The following CACNG3 variants were observed in gnomAD, a reference collection of about 807,000 sequenced individuals.
CACNG3 encodes calcium voltage-gated channel auxiliary subunit gamma 3.
A neutral mutation model predicts 28.5 loss-of-function variants in CACNG3; 3 were observed. The observed-to-expected ratio is 0.11, with a 90% CI of 0.05 to 0.27. CACNG3 has a LOEUF of 0.27. Among genes scored for constraint, CACNG3 ranks in the 10% least tolerant of loss-of-function variants. CACNG3 has a pLI of 1.00. For missense variants in CACNG3, 236 were observed against 414.4 expected (o/e 0.57, Z 3.74); for synonymous variants, 174 against 162.2 (o/e 1.07, Z -0.55).
intron 3 of CACNG3, among the ~76,000 whole-genome samples, chr16:24,358,670 T>C (rs1244837887): frequency 6.6e-6 from 1 of 152,192 alleles, no homozygotes; most frequent in Non-Finnish European, 1.5e-5. Flanking sequence ...GAAAAAGCAA[T>C]TGCCTACTCA....
rs1158530892 is a variant in CACNG3 at position 24,326,466 on chromosome 16, C to T, written c.212-20268C>T. Among the ~76,000 whole-genome samples, 4 of 152,194 alleles carry T rather than the reference C, an allele frequency of 2.6e-5. No homozygotes were observed. In the East Asian group the frequency reaches 5.8e-4, roughly 22 times the overall value. ...GATTACAGGCATGAGCCACCACACC[C>T]GGCCAAAATTTTTCTTTCTCAACAT... On this transcript the variant is annotated intron_variant, in intron 1 of 3. Transcript: ENST00000005284.
chr16:24,280,821 C>CAAAAAAAAAAAAAAAAAAAAAAAA (rs71154295), intron 1 of CACNG3, among the ~76,000 whole-genome samples: 1 of 55,626 alleles, frequency 1.8e-5, no homozygotes, highest in African/African-American at 7.3e-5. Flanking sequence ...GAGTTTGTCT[C>CAAAAAAAAAAAAAAAAAAAAAAAA]AAAAAAAAAA....
rs186537883 is a variant in CACNG3 at position 24,264,747 on chromosome 16, G to A, written c.211+7782G>A. On this transcript the variant is annotated intron_variant, in intron 1 of 3. Coordinates refer to ENST00000005284, the MANE Select transcript of CACNG3 (RefSeq NM_006539.4). Reference sequence around the variant, plus strand: ...ATTCAACATGCAATTTGAAATGTTAGACAAAACTGGAAGTTTTAACAACCA... The same window carrying A: ...ATTCAACATGCAATTTGAAATGTTAAACAAAACTGGAAGTTTTAACAACCA... 5.7e-3 allele frequency among the ~76,000 whole-genome samples: 872 copies of A among 152,290 alleles called. 11 individuals are homozygous for A. The highest frequency in any genetic ancestry group is 6.2e-3 in the Non-Finnish European group (425 of 68,034).
chr16:24,355,008 G>C (rs774003797), intron 3 of CACNG3, 35 bp downstream of exon 3: 2 of 1,597,238 alleles, frequency 1.3e-6, no homozygotes, highest in Non-Finnish European at 1.7e-6. Context: ...GATCTTCACA[G>C]ATACCAAACT....
rs566955521 is a variant in CACNG3, at chr16:24,344,862, G to A, written c.212-1872G>A. ...TAGCCATGGTAGCCATAATAATAAC[G>A]GCTACTATTCATAGTGTAATGGTGA... is the stretch of plus-strand genomic sequence containing the variant. On this transcript the variant is annotated intron_variant, in intron 1 of 3. Transcript: ENST00000005284. 7.9e-5 allele frequency among the ~76,000 whole-genome samples: 12 copies of A among 152,136 alleles called. No homozygotes were observed. The East Asian group carries it at 1.2e-3, about 15-fold the overall frequency.
intron 3 of CACNG3, among the ~76,000 whole-genome samples, chr16:24,355,584 A>G (rs899043218): frequency 5.9e-5 from 9 of 152,194 alleles, no homozygotes; most frequent in African/African-American, 2.2e-4. Flanking sequence ...TCTCATCTCT[A>G]AAAAATAAAT....
intron 1 of CACNG3, among the ~76,000 whole-genome samples, chr16:24,263,931 A>G (rs116730614): frequency 2.0e-5 from 3 of 152,356 alleles, no homozygotes; most frequent in African/African-American, 7.2e-5. Context: ...TCCAAGAAGA[A>G]TCATTCATAA....
intron 1 of CACNG3, among the ~76,000 whole-genome samples, chr16:24,282,345 G>A (rs1898840595): frequency 6.6e-6 from 1 of 151,980 alleles, no homozygotes; most frequent in African/African-American, 2.4e-5. Flanking sequence ...GTCACACTGG[G>A]CTTATTGCGG....
At chr16:24,324,060 C>A (rs1194183432) in intron 1 of CACNG3, among the ~76,000 whole-genome samples, 4 of 152,170 alleles carry the variant, frequency 2.6e-5, no homozygotes, top group Non-Finnish European at 5.9e-5. Context: ...AGACGTGAGA[C>A]AATGTACCCA....
intron 1 of CACNG3, among the ~76,000 whole-genome samples, chr16:24,284,301 A>T (rs1476234361): frequency 6.6e-6 from 1 of 152,214 alleles, no homozygotes; most frequent in Non-Finnish European, 1.5e-5. Flanking sequence ...TAGACTAAAT[A>T]GCATGGAAAT....
chr16:24,310,632 A>T (rs942120852), intron 1 of CACNG3, among the ~76,000 whole-genome samples: 3 of 152,144 alleles, frequency 2.0e-5, no homozygotes, highest in African/African-American at 7.2e-5. Context: ...ATCATTTAAC[A>T]TATATTACCT....
At position 24,312,943 on chromosome 16, in the gene CACNG3, GAA is replaced by G. The variant is rs879741064; in HGVS notation, c.212-33789_212-33788del. Among the ~76,000 whole-genome samples the G allele has an allele frequency of 9.5e-3, 930 of 97,854 alleles. 5 individuals are homozygous for G. Among genetic ancestry groups the G allele is most frequent in the Non-Finnish European group, 0.011 (507 of 44,822 alleles). 64.2% of individuals were successfully genotyped at this position (97,854 alleles called of 152,430 possible). A position where few individuals can be genotyped will look rare whatever the true frequency, so the allele number is the denominator to read the frequency against. ...AGGAAGAAAGAAAGAAAGAAAGAAA[GAA>G]AGAAAGAAAGAGAAAGAAAGAAAAG... On this transcript the variant is annotated intron_variant, in intron 1 of 3. Transcript: ENST00000005284.
intron 1 of CACNG3, among the ~76,000 whole-genome samples, chr16:24,277,683 G>A (rs1213549547): frequency 6.6e-6 from 1 of 151,864 alleles, no homozygotes; most frequent in Non-Finnish European, 1.5e-5. Flanking sequence ...AGGAGGCTGA[G>A]GCAGGAGAAT....
At chr16:24,266,601 G>C (rs1596620709) in intron 1 of CACNG3, among the ~76,000 whole-genome samples, 1 of 152,358 alleles carries the variant, frequency 6.6e-6, no homozygotes, top group South Asian at 2.1e-4. Flanking sequence ...AGAGGAGCCA[G>C]TGAGACTCTG....
In CACNG3 at chr16:24,318,674, G is replaced by A. The variant is rs529639128; in HGVS notation, c.212-28060G>A. 2.0e-5 allele frequency among the ~76,000 whole-genome samples: 3 copies of A among 152,220 alleles called. No individual in the cohort carries two copies. The East Asian group carries it at 5.8e-4, about 29-fold the overall frequency. On this transcript the variant is annotated intron_variant, in intron 1 of 3. Transcript: ENST00000005284. ...ATGTCCTTGTGATTACAGTTCAACA[G>A]GACACCTCCTGTTGCAGGTGGGGTC...
intron 2 of CACNG3, among the ~76,000 whole-genome samples, chr16:24,353,586 G>C (rs1899987934): frequency 6.6e-6 from 1 of 152,116 alleles, no homozygotes. Context: ...CGACTCCTCA[G>C]CCAGTGTCCC....
intron 1 of CACNG3, among the ~76,000 whole-genome samples, chr16:24,327,466 AC>A (rs1483355059): frequency 7.6e-6 from 1 of 131,910 alleles, no homozygotes; most frequent in East Asian, 2.5e-4. Flanking sequence ...ACACACACAC[AC>A]ACACACACAC....
Position 24,360,533 on chromosome 16 carries a change from G to A in CACNG3, c.437-819G>A, listed in dbSNP as rs146471605. 2.0e-5 allele frequency among the ~76,000 whole-genome samples: 3 copies of A among 152,296 alleles called. No individual in the cohort carries two copies. The East Asian group carries it at 5.8e-4, about 29-fold the overall frequency. Reference sequence around the variant, plus strand: ...TATCCTGTGCAGATGAAAAGACTTGGTAAGCTCTCACCTCTTCCCCATGGG... The same window carrying A: ...TATCCTGTGCAGATGAAAAGACTTGATAAGCTCTCACCTCTTCCCCATGGG... On this transcript the variant is annotated intron_variant, in intron 3 of 3. Transcript: ENST00000005284.
At chr16:24,263,658 G>T (rs924916280) in intron 1 of CACNG3, among the ~76,000 whole-genome samples, 1 of 152,156 alleles carries the variant, frequency 6.6e-6, no homozygotes, top group African/African-American at 2.4e-5. Context: ...ATGAGACCTT[G>T]AAAGTTACCT....
Sources: allele counts gnomAD v4.1 joint callset (sites outside exome capture counted in the v4.1 genomes callset), GRCh38; gene constraint gnomAD v4.1.1; transcripts MANE v1.5; gene names NCBI Gene and HGNC (gene_info 2026-07-23, HGNC 2026-07-21).